C5orf46: variants seen among roughly 807,000 people sequenced by gnomAD.
C5orf46 encodes the protein uncharacterized protein C5orf46.
Under a neutral mutation model 8.9 loss-of-function variants are expected in C5orf46, and 9 were observed. The ratio of observed to expected loss-of-function variants is 1.01; its 90% confidence interval spans 0.61 to 1.76. C5orf46 has a LOEUF of 1.76. C5orf46 is among the 40% of genes most tolerant of loss of function. The pLI, the probability that C5orf46 is intolerant of heterozygous loss-of-function variation, is 0.00. For missense variants in C5orf46, 98 were observed against 107.8 expected (o/e 0.91, Z 0.40); for synonymous variants, 47 against 41.4 (o/e 1.14, Z -0.52).
intron 1 of C5orf46, 131 bp downstream of exon 1, chr5:147,906,301 C>T (rs1393811074): frequency 4.1e-6 from 2 of 483,190 alleles, no homozygotes; most frequent in Non-Finnish European, 7.6e-6. Context: ...CCTCTTGTCT[C>T]CCAGGCCAGT....
chr5:147,902,626 C>A (rs1229888142), intron 1 of C5orf46, among the ~76,000 whole-genome samples: 1 of 152,100 alleles, frequency 6.6e-6, no homozygotes, highest in Non-Finnish European at 1.5e-5. Flanking sequence ...TGTTTAGAAA[C>A]TGGTTGAAAG....
intron 3 of C5orf46, among the ~76,000 whole-genome samples, chr5:147,894,695 T>A (rs1214582927): frequency 2.0e-5 from 3 of 152,012 alleles, no homozygotes; most frequent in African/African-American, 7.3e-5. Context: ...GTTATTCATT[T>A]TGGTAGCATT....
chr5:147,895,163 C>T (rs1376869816), intron 3 of C5orf46, among the ~76,000 whole-genome samples: 2 of 152,054 alleles, frequency 1.3e-5, no homozygotes, highest in East Asian at 3.9e-4. Context: ...TGTCTCATGC[C>T]TATAATCGGA....
chr5:147,895,960 G>C (rs1412969098), intron 3 of C5orf46, among the ~76,000 whole-genome samples: 4 of 152,124 alleles, frequency 2.6e-5, no homozygotes, highest in Non-Finnish European at 4.4e-5. Flanking sequence ...TCACACCCAG[G>C]TTATGAAATG....
chr5:147,887,585 A>G (rs1294143274), intron 2 of C5orf46: 2 of 152,176 alleles, frequency 1.3e-5, no homozygotes, highest in Admixed American at 1.3e-4. Context: ...GCTGGACAGG[A>G]AGCATACAGT....
At chr5:147,886,466 A>T (rs1005406967) in intron 2 of C5orf46, 1 of 110,550 alleles carries the variant, frequency 9.0e-6, no homozygotes, top group Admixed American at 1.2e-4. Context: ...ATTATCATAT[A>T]ATCATATGGA....
intron 1 of C5orf46, among the ~76,000 whole-genome samples, chr5:147,903,481 GGAT>G (rs1278497302): frequency 6.6e-6 from 1 of 152,028 alleles, no homozygotes; most frequent in Non-Finnish European, 1.5e-5. Flanking sequence ...CCCTGACTTT[GGAT>G]AAAGGAGATG....
At chr5:147,894,405 G>A (rs1302750994) in intron 3 of C5orf46, among the ~76,000 whole-genome samples, 3 of 152,072 alleles carry the variant, frequency 2.0e-5, no homozygotes, top group Non-Finnish European at 4.4e-5. Context: ...AGGCTGAGAG[G>A]TTCTCAGATG....
rs145072704 is a variant in C5orf46, at chr5:147,904,064, T to G, written c.71-2291A>C. Among the ~76,000 whole-genome samples, 580 of 151,696 alleles carry G rather than the reference T, an allele frequency of 3.8e-3. 1 individual carries two copies. Among genetic ancestry groups the G allele is most frequent in the South Asian group, 0.013 (60 of 4,796 alleles). ...TGCCTGGCCTGAGCCTACTATTATGTGCATAGTTATGCTAAGAGTCAAGGT... is the reference window on the plus strand; with the variant it reads ...TGCCTGGCCTGAGCCTACTATTATGGGCATAGTTATGCTAAGAGTCAAGGT... On this transcript the variant is annotated intron_variant, in intron 1 of 3. Coordinates refer to ENST00000318315, the MANE Select transcript of C5orf46 (RefSeq NM_206966.3).
Position 147,906,435 on chromosome 5 carries a change from C to A in C5orf46, c.67G>T (p.Ala23Ser). ...GLLVLFLTCY[A>S]DDKPDKPDDK... The stretch of plus-strand genomic sequence containing the variant: ...GGCTGTGATCAGAAGCACTTACCTG[C>A]ATAGCAGGTCAGGAATAAGACAAGC... Residue 23 changes from alanine to serine, a missense_variant, in exon 1 of 4, where the codon GCA (alanine) becomes TCA (serine). Coordinates refer to ENST00000318315, the MANE Select transcript of C5orf46 (RefSeq NM_206966.3). 1 of 1,608,046 alleles carries A rather than the reference C, an allele frequency of 6.2e-7. No individual in the cohort carries two copies. The highest frequency in any genetic ancestry group is 8.5e-7 in the Non-Finnish European group (1 of 1,175,878).
chr5:147,905,669 A>G (rs192479187), intron 1 of C5orf46, among the ~76,000 whole-genome samples: 2 of 152,284 alleles, frequency 1.3e-5, no homozygotes, highest in East Asian at 3.9e-4. Flanking sequence ...ATGAGCTTCT[A>G]TGTGCTTGGA....
intron 3 of C5orf46, 70 bp from the exon 4 acceptor site, chr5:147,893,009 A>G (rs751140453): frequency 3.3e-5 from 5 of 152,252 alleles, no homozygotes; most frequent in Non-Finnish European, 7.3e-5. Flanking sequence ...TAAATAAACC[A>G]AATAACTTTT....
rs556951318 is a variant in C5orf46 at position 147,892,800 on chromosome 5, T to G, written c.*149A>C. The stretch of plus-strand genomic sequence containing the variant: ...GTCAGGGTGTTCAAAATGAGTTCTG[T>G]TTGGTTGAAGCCAGAGCCTGAATCC... On this transcript the variant is annotated 3_prime_UTR_variant, in exon 4 of 4. Transcript: ENST00000318315. 3 of 152,296 alleles carry G rather than the reference T, an allele frequency of 2.0e-5. No individual in the cohort carries two copies. The South Asian group carries it at 6.2e-4, about 32-fold the overall frequency. 9.4% of individuals were successfully genotyped at this position (152,296 alleles called of 1,614,324 possible).
chr5:147,894,245 T>C (rs1023107392), intron 3 of C5orf46, among the ~76,000 whole-genome samples: 1 of 152,094 alleles, frequency 6.6e-6, no homozygotes, highest in Non-Finnish European at 1.5e-5. Context: ...GGAAAGAAAA[T>C]TTATACTTAA....
intron 2 of C5orf46, among the ~76,000 whole-genome samples, chr5:147,897,280 T>C (rs960504374): frequency 2.0e-5 from 3 of 152,194 alleles, no homozygotes; most frequent in Non-Finnish European, 4.4e-5. Context: ...ACACATAAAC[T>C]CCATAAAGTC....
chr5:147,905,584 T>C (rs1392997952), intron 1 of C5orf46, among the ~76,000 whole-genome samples: 3 of 152,256 alleles, frequency 2.0e-5, no homozygotes, highest in African/African-American at 4.8e-5. Flanking sequence ...TGTTTTCTGG[T>C]CTATCATTCT....
At chr5:147,893,363 C>A (rs1225864674) in intron 3 of C5orf46, among the ~76,000 whole-genome samples, 1 of 149,816 alleles carries the variant, frequency 6.7e-6, no homozygotes, top group Non-Finnish European at 1.5e-5. Context: ...TGGCTCACTG[C>A]AGCTTCTGCC....
intron 1 of C5orf46, among the ~76,000 whole-genome samples, chr5:147,904,960 GAATA>G (rs1216915457): frequency 1.3e-5 from 2 of 150,476 alleles, no homozygotes; most frequent in Non-Finnish European, 3.0e-5. Context: ...ATGAAAGAAT[GAATA>G]AATAAATGTT....
intron 3 of C5orf46, among the ~76,000 whole-genome samples, chr5:147,895,843 T>C (rs1757571352): frequency 6.6e-6 from 1 of 152,138 alleles, no homozygotes; most frequent in Non-Finnish European, 1.5e-5. Context: ...GGGTTGGGCA[T>C]GTTTTGATTT....
Sources: gnomAD v4.1 joint callset for allele counts (sites outside exome capture counted in the v4.1 genomes callset) on GRCh38, gnomAD v4.1.1 for gene constraint, MANE v1.5 for transcripts, NCBI Gene and HGNC (gene_info 2026-07-23, HGNC 2026-07-21) for gene names.